Variants in FAM200B observed in about 807,000 individuals in gnomAD.
FAM200B encodes the protein protein FAM200B.
FAM200B carries 32 observed loss-of-function variants against 33.1 expected under a neutral mutation model. That is an observed-to-expected ratio of 0.97 (90% confidence interval 0.73 to 1.30). FAM200B has a LOEUF of 1.30. FAM200B is among the 50% of genes most tolerant of loss of function. FAM200B has a pLI of 0.00. For missense variants in FAM200B, 741 were observed against 754.0 expected, an observed-to-expected ratio of 0.98 and a Z score of 0.20; for synonymous variants, 240 against 264.8, an observed-to-expected ratio of 0.91 and a Z score of 0.91.
upstream of FAM200B, among the ~76,000 whole-genome samples, chr4:15,680,161 C>A (rs1022171718): frequency 6.6e-6 from 1 of 151,356 alleles, no homozygotes; most frequent in Non-Finnish European, 1.5e-5. Flanking sequence ...GAAGGAGAGA[C>A]CGAGTGAAAT....
upstream of FAM200B, among the ~76,000 whole-genome samples, chr4:15,678,051 G>A (rs1402831407): frequency 6.6e-6 from 1 of 152,212 alleles, no homozygotes. Context: ...TTAAATGGGC[G>A]GGTGGGTGTG....
chr4:15,686,936 A>T lies in FAM200B; in HGVS notation c.-42A>T, dbSNP rs6832031. On this transcript the variant is annotated 5_prime_UTR_variant, in exon 2 of 2. Transcript: ENST00000422728. ...TTTTCTTCTTTTTTGAGTTAGTGCC[A>T]ATTATAACATTTTAATCAAACTGGA... 3.3e-3 allele frequency: 3,521 copies of T among 1,053,650 alleles called. 83 individuals carry two copies. The African/African-American group carries it at 0.051, about 15-fold the overall frequency. The allele number at this position is 1,053,650 out of a possible 1,614,324, so 65.3% of individuals were successfully genotyped here.
At chr4:15,643,271 C>A in the FAM200B span, among the ~76,000 whole-genome samples, 4 of 152,128 alleles carry the variant, frequency 2.6e-5, no homozygotes, top group Non-Finnish European at 4.4e-5. Context: ...TATCTTTAAT[C>A]CATCCTCCCT....
the FAM200B span, among the ~76,000 whole-genome samples, chr4:15,652,049 C>A: frequency 6.6e-6 from 1 of 152,164 alleles, no homozygotes; most frequent in Admixed American, 6.6e-5. Context: ...TGTCACATTG[C>A]CAACGTCTTT....
rs1273486791 is a variant in FAM200B at position 15,688,592 on chromosome 4, G to T, written c.1615G>T (p.Asp539Tyr). Residue 539 changes from aspartate to tyrosine, a missense_variant, in exon 2 of 2, where the codon GAT becomes TAT. Asp to Tyr is a radical substitution (Grantham distance 160). Coordinates refer to ENST00000422728, the MANE Select transcript of FAM200B (RefSeq NM_001145191.2). ...ETLRENSWVK[D>Y]PFAFRHPESI... Reference sequence around the variant, plus strand: ...ATTAAGGGAAAACAGTTGGGTAAAAGATCCATTTGCTTTTCGACACCCTGA... The same window carrying T: ...ATTAAGGGAAAACAGTTGGGTAAAATATCCATTTGCTTTTCGACACCCTGA... 6.4e-7 allele frequency: 1 copy of T among 1,551,178 alleles called. No homozygotes were observed. The highest frequency in any genetic ancestry group is 1.7e-4 in the Middle Eastern group (1 of 5,990).
the FAM200B span, among the ~76,000 whole-genome samples, chr4:15,676,228 T>C: frequency 1.3e-5 from 2 of 152,234 alleles, no homozygotes; most frequent in Admixed American, 1.3e-4. Flanking sequence ...CCTCCTGATA[T>C]GATGCAATAG....
At chr4:15,671,613 T>C in the FAM200B span, among the ~76,000 whole-genome samples, 1 of 152,106 alleles carries the variant, frequency 6.6e-6, no homozygotes, top group Non-Finnish European at 1.5e-5. Context: ...GGAGTTCATA[T>C]CTTCTTGAAT....
rs1055211171 is a variant in FAM200B at position 15,688,975 on chromosome 4, T to A, written c.*24T>A. On this transcript the variant is annotated 3_prime_UTR_variant, in exon 2 of 2. Transcript: ENST00000422728. The stretch of plus-strand genomic sequence containing the variant: ...AGTAAATAAAAATCTTACCTAGCTT[T>A]TGTCTTTGTATTTCTTATTTTGTAG... 2.2e-6 allele frequency: 3 copies of A among 1,388,936 alleles called. No homozygotes were observed. The highest frequency in any genetic ancestry group is 2.8e-6 in the Non-Finnish European group (3 of 1,063,234). The allele number at this position is 1,388,936 out of a possible 1,614,324, so 86.0% of individuals were successfully genotyped here.
the FAM200B span, among the ~76,000 whole-genome samples, chr4:15,643,512 G>T: frequency 1.3e-5 from 2 of 152,188 alleles, no homozygotes; most frequent in African/African-American, 4.8e-5. Flanking sequence ...CCGCCTCCCA[G>T]GTTCAAGCAA....
chr4:15,638,260 T>A, the FAM200B span, among the ~76,000 whole-genome samples: 44 of 152,340 alleles, frequency 2.9e-4, no homozygotes, highest in African/African-American at 1.0e-3. Context: ...TTCATTCATA[T>A]ATAAATTTAT....
chr4:15,641,583 G>A, the FAM200B span: 3 of 456,970 alleles, frequency 6.6e-6, no homozygotes, highest in Non-Finnish European at 1.3e-5. Flanking sequence ...ATTGTTATTC[G>A]ATTGTTTTAT....
chr4:15,685,475 G>C (rs1718752094), intron 1 of FAM200B, among the ~76,000 whole-genome samples: 1 of 152,116 alleles, frequency 6.6e-6, no homozygotes, highest in African/African-American at 2.4e-5. Flanking sequence ...CTAGTTGCCT[G>C]GTAGCTGGTC....
chr4:15,649,680 G>C, the FAM200B span, among the ~76,000 whole-genome samples: 1 of 151,462 alleles, frequency 6.6e-6, no homozygotes, highest in African/African-American at 2.4e-5. Context: ...AAAATTGTTT[G>C]CCTTCACATA....
chr4:15,688,957 A>G lies in FAM200B; in HGVS notation c.*6A>G. The G allele has an allele frequency of 7.0e-7, 1 of 1,420,648 alleles. No homozygotes were observed. The highest frequency in any genetic ancestry group is 9.2e-7 in the Non-Finnish European group (1 of 1,081,272). The allele number at this position is 1,420,648 out of a possible 1,614,324, so 88.0% of individuals were successfully genotyped here. ...GGCAAGCACACCCATCATAGTAAAT[A>G]AAAATCTTACCTAGCTTTTGTCTTT... On this transcript the variant is annotated 3_prime_UTR_variant, in exon 2 of 2. Transcript: ENST00000422728.
chr4:15,640,881 A>G, the FAM200B span: 1 of 1,448,554 alleles, frequency 6.9e-7, no homozygotes, highest in Non-Finnish European at 9.2e-7. Context: ...GTTCATATTC[A>G]TTCTGGAAAC....
intron 1 of FAM200B, among the ~76,000 whole-genome samples, chr4:15,685,262 A>G (rs990845054): frequency 2.6e-5 from 4 of 152,188 alleles, no homozygotes; most frequent in Non-Finnish European, 5.9e-5. Context: ...TAGAAACAGG[A>G]AGCATGGCAC....
chr4:15,660,710 C>T, the FAM200B span, among the ~76,000 whole-genome samples: 1 of 152,138 alleles, frequency 6.6e-6, no homozygotes, highest in Non-Finnish European at 1.5e-5. Context: ...AATTAATCTA[C>T]AACATGTGTA....
At chr4:15,670,327 C>T in the FAM200B span, among the ~76,000 whole-genome samples, 2 of 152,188 alleles carry the variant, frequency 1.3e-5, no homozygotes, top group South Asian at 4.1e-4. Flanking sequence ...TTTAACTTTA[C>T]AGGAAACAGT....
the FAM200B span, among the ~76,000 whole-genome samples, chr4:15,652,219 T>G: frequency 6.6e-6 from 1 of 152,194 alleles, no homozygotes; most frequent in Non-Finnish European, 1.5e-5. Flanking sequence ...ATCATCCCAG[T>G]CTGAAAGGTC....
Sources: gnomAD v4.1 joint callset for allele counts (sites outside exome capture counted in the v4.1 genomes callset) on GRCh38, gnomAD v4.1.1 for gene constraint, MANE v1.5 for transcripts, NCBI Gene and HGNC (gene_info 2026-07-23, HGNC 2026-07-21) for gene names.